MGAT4C: variants seen among roughly 807,000 people sequenced by gnomAD.
MGAT4C encodes the protein MGAT4 family member C.
In MGAT4C, 19 loss-of-function variants were observed where a neutral mutation model predicts 40.1. The ratio of observed to expected loss-of-function variants is 0.47; its 90% CI spans 0.33 to 0.70. The LOEUF (loss-of-function observed/expected upper bound fraction) is 0.70, where lower values mean the gene tolerates loss of function less well. Among genes scored for constraint, MGAT4C ranks in the 30% least tolerant of loss-of-function variants. The pLI, the probability that MGAT4C is intolerant of heterozygous loss-of-function variation, is 0.02. For synonymous variants in MGAT4C, 181 were observed against 187.1 expected (o/e 0.97, Z 0.27); for missense variants, 491 against 563.2 (o/e 0.87, Z 1.30).
intron 3 of MGAT4C, among the ~76,000 whole-genome samples, chr12:86,397,170 G>C (rs939157432): frequency 6.6e-6 from 1 of 152,032 alleles, no homozygotes; most frequent in Non-Finnish European, 1.5e-5. Flanking sequence ...TTCAGCAAAA[G>C]AATTTTATGG....
In MGAT4C at chr12:86,835,957, A is replaced by C. The variant is rs2136240939; in HGVS notation, c.-262+2709T>G. On this transcript the variant is annotated intron_variant, in intron 1 of 7. Transcript: ENST00000548651. ...AATATGTGAGAAAATATATGCAAAAATATGTACCATTTATTGAGCATATGC... is the reference window on the plus strand; with the variant it reads ...AATATGTGAGAAAATATATGCAAAACTATGTACCATTTATTGAGCATATGC... Among the ~76,000 whole-genome samples the C allele has an allele frequency of 2.6e-5, 4 of 152,094 alleles. 1 individual carries two copies. In the Middle Eastern group the frequency reaches 0.014, roughly 517 times the overall value.
At chr12:86,354,938 C>T (rs61950743) in intron 3 of MGAT4C, among the ~76,000 whole-genome samples, 5 of 152,132 alleles carry the variant, frequency 3.3e-5, no homozygotes, top group African/African-American at 9.7e-5. Flanking sequence ...ACAGCATGGA[C>T]GAGAACCCAA....
intron 1 of MGAT4C, among the ~76,000 whole-genome samples, chr12:86,168,254 C>G (rs1319861243): frequency 1.3e-5 from 2 of 152,142 alleles, no homozygotes; most frequent in African/African-American, 2.4e-5. Context: ...TTAGTCTCAA[C>G]TGGGACACTT....
intron 1 of MGAT4C, among the ~76,000 whole-genome samples, chr12:86,788,299 T>G (rs973391004): frequency 2.2e-5 from 3 of 136,604 alleles, no homozygotes; most frequent in Non-Finnish European, 3.2e-5. Flanking sequence ...CATTATTAGG[T>G]TTTTTTTTTT....
intron 1 of MGAT4C, among the ~76,000 whole-genome samples, chr12:86,148,135 C>T (rs1566052490): frequency 6.6e-6 from 1 of 152,160 alleles, no homozygotes; most frequent in African/African-American, 2.4e-5. Flanking sequence ...TTAAATGGCG[C>T]ATTTTTAAAA....
intron 3 of MGAT4C, among the ~76,000 whole-genome samples, chr12:86,402,621 T>C (rs1412684818): frequency 1.3e-5 from 2 of 152,156 alleles, no homozygotes; most frequent in African/African-American, 4.8e-5. Context: ...TTTTTCTTTG[T>C]TCTTCTTGAC....
intron 1 of MGAT4C, among the ~76,000 whole-genome samples, chr12:86,837,726 A>G (rs1184517878): frequency 6.6e-6 from 1 of 152,130 alleles, no homozygotes; most frequent in Non-Finnish European, 1.5e-5. Flanking sequence ...CCCTAATACT[A>G]CATGTTTATA....
At position 86,598,530 on chromosome 12, in the gene MGAT4C, A is replaced by G. The variant is rs533030040; in HGVS notation, c.-229+128679T>C. Among the ~76,000 whole-genome samples the G allele has an allele frequency of 2.6e-5, 4 of 152,190 alleles. No individual in the cohort carries two copies. The East Asian group carries it at 5.8e-4, about 22-fold the overall frequency. On this transcript the variant is annotated intron_variant, in intron 2 of 7. Coordinates refer to the MGAT4C transcript ENST00000548651. ...GGAAAAGCTAGTCTTTAAAACTTCA[A>G]AGGAAAGCTACTCTACTTTCTAATT...
intron 1 of MGAT4C, among the ~76,000 whole-genome samples, chr12:86,209,970 C>T (rs1950396797): frequency 1.3e-5 from 2 of 152,064 alleles, no homozygotes; most frequent in Non-Finnish European, 2.9e-5. Context: ...TTCATTTTTG[C>T]CTCTTAATAA....
At chr12:86,305,789 A>G (rs964775700) in intron 4 of MGAT4C, among the ~76,000 whole-genome samples, 1 of 150,432 alleles carries the variant, frequency 6.6e-6, no homozygotes, top group South Asian at 2.1e-4. Context: ...GTATTATTAC[A>G]TTTGTAATTT....
intron 4 of MGAT4C, among the ~76,000 whole-genome samples, chr12:86,261,754 TGG>T (rs1566239396): frequency 6.6e-6 from 1 of 152,082 alleles, no homozygotes; most frequent in Non-Finnish European, 1.5e-5. Flanking sequence ...TGTTGTACCT[TGG>T]GGTTTCACTC....
chr12:85,984,836 T>C (rs1885034757), intron 3 of MGAT4C, among the ~76,000 whole-genome samples: 1 of 152,278 alleles, frequency 6.6e-6, no homozygotes, highest in Admixed American at 6.5e-5. Context: ...TGGAGTGCAG[T>C]GGCATGATCT....
At position 86,473,271 on chromosome 12, in the gene MGAT4C, T is replaced by G. The variant is rs922630266; in HGVS notation, c.-228-38006A>C. 2.6e-5 allele frequency among the ~76,000 whole-genome samples: 4 copies of G among 152,174 alleles called. No homozygotes were observed. The East Asian group carries it at 5.8e-4, about 22-fold the overall frequency. The stretch of plus-strand genomic sequence containing the variant: ...TGCACCGGGCCTGATTTCTTTTTTG[T>G]GTGTGTGAAAGTAGGAATGGAGAGC... On this transcript the variant is annotated intron_variant, in intron 2 of 7. Coordinates refer to the MGAT4C transcript ENST00000548651.
At position 86,437,225 on chromosome 12, in the gene MGAT4C, T is replaced by C. The variant is rs1957152349; in HGVS notation, c.-228-1960A>G. ...ATGATTCTGAAATTCTTAATGCTTA[T>C]ATTTTAGAAGAAGATTGTAGACATT... is the stretch of plus-strand genomic sequence containing the variant. On this transcript the variant is annotated intron_variant, in intron 2 of 7. Transcript: ENST00000548651. Among the ~76,000 whole-genome samples the C allele has an allele frequency of 2.6e-5, 4 of 151,962 alleles. No homozygotes were observed. In the South Asian group the frequency reaches 8.3e-4, roughly 31 times the overall value.
intron 2 of MGAT4C, among the ~76,000 whole-genome samples, chr12:86,705,977 A>G (rs1266958201): frequency 6.6e-6 from 1 of 152,164 alleles, no homozygotes; most frequent in Non-Finnish European, 1.5e-5. Context: ...GAATAAATGG[A>G]TATAAGTAGA....
At chr12:86,762,205 C>T (rs952394304) in intron 1 of MGAT4C, among the ~76,000 whole-genome samples, 3 of 152,120 alleles carry the variant, frequency 2.0e-5, no homozygotes, top group East Asian at 3.9e-4. Flanking sequence ...GTATAAGCCA[C>T]CACACCTGCT....
At chr12:86,407,491 C>G (rs929594314) in intron 3 of MGAT4C, among the ~76,000 whole-genome samples, 1 of 151,944 alleles carries the variant, frequency 6.6e-6, no homozygotes, top group African/African-American at 2.4e-5. Flanking sequence ...GCAGACCTCA[C>G]TATTTATGGG....
chr12:86,377,287 G>A (rs1038987387), intron 3 of MGAT4C, among the ~76,000 whole-genome samples: 4 of 152,120 alleles, frequency 2.6e-5, no homozygotes, highest in African/African-American at 2.4e-5. Flanking sequence ...TCCAACTCCC[G>A]ACCTCAGGTT....
rs113181577 is a variant in MGAT4C, at chr12:86,354,945, C to T, written c.-119-20818G>A. Among the ~76,000 whole-genome samples the T allele has an allele frequency of 6.6e-3, 1,001 of 152,272 alleles. 10 individuals are homozygous for T. The highest frequency in any genetic ancestry group is 0.023 in the African/African-American group (956 of 41,560). On this transcript the variant is annotated intron_variant, in intron 3 of 7. Coordinates refer to the MGAT4C transcript ENST00000548651. ...AAGTTTCCACAGCATGGACGAGAAC[C>T]CAAGGGGGGTGCCACTGCTGGCTGG...
Sources: allele counts gnomAD v4.1 joint callset (sites outside exome capture counted in the v4.1 genomes callset), GRCh38; gene constraint gnomAD v4.1.1; transcripts MANE v1.5; gene names NCBI Gene and HGNC (gene_info 2026-07-23, HGNC 2026-07-21).